ADH7: variants seen among roughly 807,000 people sequenced by gnomAD.
ADH7 encodes the protein alcohol dehydrogenase 7 (class IV), mu or sigma polypeptide.
In ADH7, 41 loss-of-function variants were observed where a neutral mutation model predicts 34.4. That is an observed-to-expected ratio of 1.19 (90% CI 0.93 to 1.55). The LOEUF is 1.55. Among genes scored for constraint, ADH7 ranks in the 40% most tolerant of loss-of-function variants. The probability of loss-of-function intolerance (pLI) is 0.00; values close to 1 mark genes in which losing one functional copy is unlikely to be tolerated. For synonymous variants in ADH7, 180 were observed against 160.9 expected, an observed-to-expected ratio of 1.12 and a Z score of -0.90; for missense variants, 540 against 461.2, an observed-to-expected ratio of 1.17 and a Z score of -1.56.
At chr4:99,418,159 C>T (rs1721562115) in intron 7 of ADH7, among the ~76,000 whole-genome samples, 1 of 152,104 alleles carries the variant, frequency 6.6e-6, no homozygotes, top group African/African-American at 2.4e-5. Context: ...AGAATAAATG[C>T]TAAAAAACTC....
chr4:99,432,336 G>T (rs1395897953), intron 1 of ADH7, among the ~76,000 whole-genome samples: 1 of 151,994 alleles, frequency 6.6e-6, no homozygotes, highest in Non-Finnish European at 1.5e-5. Context: ...TGGAGGGAGG[G>T]TAAGGATGAA....
In ADH7 at chr4:99,414,270, A is replaced by G. The variant is rs4147552; in HGVS notation, c.1101-1098T>C. ...TATGTTCATAATATGATGATCCTGT[A>G]GGCTAGACCAAATGTGGAGACAAGA... is the stretch of plus-strand genomic sequence containing the variant. On this transcript the variant is annotated intron_variant, in intron 8 of 8. Transcript: ENST00000437033. Among the ~76,000 whole-genome samples, 729 of 152,272 alleles carry G rather than the reference A, an allele frequency of 4.8e-3. 14 individuals are homozygous for G. Among genetic ancestry groups the G allele is most frequent in the Admixed American group, 0.029 (444 of 15,278 alleles).
chr4:99,423,625 C>T (rs1283996378), intron 5 of ADH7, among the ~76,000 whole-genome samples: 3 of 152,144 alleles, frequency 2.0e-5, no homozygotes, highest in Non-Finnish European at 4.4e-5. Flanking sequence ...TCTCTGATGG[C>T]CAGTGATGGT....
chr4:99,415,176 T>C (rs997264750), intron 8 of ADH7, among the ~76,000 whole-genome samples: 1 of 151,970 alleles, frequency 6.6e-6, no homozygotes, highest in Non-Finnish European at 1.5e-5. Context: ...GTGAAGAAGG[T>C]GCCTTGCTTC....
At chr4:99,415,940 G>A (rs1721506298) in intron 7 of ADH7, 1 of 181,892 alleles carries the variant, frequency 5.5e-6, no homozygotes, top group Admixed American at 5.6e-5. Context: ...CATGGACACA[G>A]GGAGGGGAAT....
At chr4:99,431,528 C>T (rs1721937074) in intron 1 of ADH7, among the ~76,000 whole-genome samples, 1 of 152,148 alleles carries the variant, frequency 6.6e-6, no homozygotes, top group Non-Finnish European at 1.5e-5. Context: ...ACAGAGTACA[C>T]AGACAACCTA....
At position 99,415,620 on chromosome 4, in the gene ADH7, C is replaced by T. The variant is rs1296341733; in HGVS notation, c.962-4G>A. The T allele has an allele frequency of 3.7e-6, 6 of 1,611,318 alleles. No homozygotes were observed. Among genetic ancestry groups the T allele is most frequent in the Non-Finnish European group, 8.5e-7 (1 of 1,178,754 alleles). On this transcript the variant is annotated splice_polypyrimidine_tract_variant and splice_region_variant and intron_variant, in intron 7 of 8. Transcript: ENST00000437033. ...ACATCATCTCTGCTTTTCAAACCTG[C>T]AAATAAGCACACATTTTCTCTTTAG...
rs1449004343 is a variant in ADH7 at position 99,428,085 on chromosome 4, A to G, written c.347+2T>C. ...ATTAAAGTAAAAATGACTGAAACCT[A>G]CTCGCTCCTAATGCAAAGGTTGCCA... is the stretch of plus-strand genomic sequence containing the variant. On this transcript the variant is annotated splice_donor_variant, in intron 4 of 8. Coordinates refer to ENST00000437033, the MANE Select transcript of ADH7 (RefSeq NM_000673.7). LOFTEE classifies it high-confidence loss of function. 2.5e-6 allele frequency: 4 copies of G among 1,613,644 alleles called. No homozygotes were observed. Among genetic ancestry groups the G allele is most frequent in the Non-Finnish European group, 3.4e-6 (4 of 1,179,818 alleles).
chr4:99,415,422 T>C (rs1458807610), intron 8 of ADH7, 56 bp downstream of exon 8: 112 of 1,555,376 alleles, frequency 7.2e-5, no homozygotes, highest in Non-Finnish European at 2.5e-5. Context: ...TTATAAGTAC[T>C]AAATTTTAAA....
At chr4:99,419,539 A>C (rs1721600341) in intron 6 of ADH7, among the ~76,000 whole-genome samples, 1 of 152,186 alleles carries the variant, frequency 6.6e-6, no homozygotes, top group Non-Finnish European at 1.5e-5. Flanking sequence ...AATGTGGGAC[A>C]AAAGAGTCCC....
chr4:99,417,594 A>G (rs1222192095), intron 7 of ADH7, among the ~76,000 whole-genome samples: 1 of 152,028 alleles, frequency 6.6e-6, no homozygotes, highest in Non-Finnish European at 1.5e-5. Context: ...TATATTCTGC[A>G]TTCATTTATT....
intron 1 of ADH7, among the ~76,000 whole-genome samples, chr4:99,433,179 CCT>C (rs1236502932): frequency 6.6e-6 from 1 of 152,014 alleles, no homozygotes; most frequent in Non-Finnish European, 1.5e-5. Context: ...TTTAGAAAAA[CCT>C]CTCTATATAG....
Position 99,416,933 on chromosome 4 carries a change from T to G in ADH7, c.962-1317A>C, listed in dbSNP as rs114070652. On this transcript the variant is annotated intron_variant, in intron 7 of 8. Coordinates refer to ENST00000437033, the MANE Select transcript of ADH7 (RefSeq NM_000673.7). ...ATGATGATGGTGACATGATTCCTGT[T>G]GCTTAGGCCCAAAAATCTTGGATGC... Among the ~76,000 whole-genome samples, 851 of 152,268 alleles carry G rather than the reference T, an allele frequency of 5.6e-3. 9 individuals carry two copies. Among genetic ancestry groups the G allele is most frequent in the African/African-American group, 0.02 (819 of 41,556 alleles).
chr4:99,413,128 A>T lies in ADH7; in HGVS notation c.*20T>A. ...ACTCCAGTTCACCATGACAACACAG[A>T]CCTCCTGCCACTTTGGATCTCAAAA... On this transcript the variant is annotated 3_prime_UTR_variant, in exon 9 of 9. Coordinates refer to ENST00000437033, the MANE Select transcript of ADH7 (RefSeq NM_000673.7). The T allele has an allele frequency of 6.2e-7, 1 of 1,613,392 alleles. No homozygotes were observed. The highest frequency in any genetic ancestry group is 8.5e-7 in the Non-Finnish European group (1 of 1,179,544).
At position 99,427,891 on chromosome 4, in the gene ADH7, T is replaced by A. The variant is rs1352721496; in HGVS notation, c.446A>T (p.Tyr149Phe). Reference protein sequence around the residue: ...HFMNTSTFTEYTVVDESSVAK... With the variant: ...HFMNTSTFTEFTVVDESSVAK... ...AACAGAAGATTCATCCACCACTGTG[T>A]ACTCGGTAAATGTACTGGTGTTCAT... The change falls in exon 5 of 9, where the codon TAC becomes TTC. Residue 149 changes from tyrosine (Y) to phenylalanine (F), a missense_variant. By Grantham distance (22) the Tyr-to-Phe change is conservative. Transcript: ENST00000437033. 1 of 1,613,882 alleles carries A rather than the reference T, an allele frequency of 6.2e-7. No individual in the cohort carries two copies. The highest frequency in any genetic ancestry group is 8.5e-7 in the Non-Finnish European group (1 of 1,179,940).
At chr4:99,428,320 G>A in intron 3 of ADH7, 146 bp from the exon 4 acceptor site, 4 of 1,237,884 alleles carry the variant, frequency 3.2e-6, no homozygotes, top group Non-Finnish European at 4.5e-6. Context: ...GCCTTCTAAA[G>A]GTTGAGGTTT....
At chr4:99,416,523 C>T (rs1266765123) in intron 7 of ADH7, among the ~76,000 whole-genome samples, 2 of 152,180 alleles carry the variant, frequency 1.3e-5, no homozygotes, top group African/African-American at 4.8e-5. Flanking sequence ...TCGTCATCAT[C>T]ATTGTCACTT....
chr4:99,413,307 G>C lies in ADH7; in HGVS notation c.1101-135C>G, dbSNP rs1327568352. The C allele has an allele frequency of 5.5e-6, 5 of 909,960 alleles. No homozygotes were observed. The African/African-American group carries it at 6.8e-5, about 12-fold the overall frequency. 56.4% of individuals were successfully genotyped at this position (909,960 alleles called of 1,614,324 possible). A position where few individuals can be genotyped will look rare whatever the true frequency, so the allele number is the denominator to read the frequency against. On this transcript the variant is annotated intron_variant, in intron 8 of 8. Coordinates refer to ENST00000437033, the MANE Select transcript of ADH7 (RefSeq NM_000673.7). ...TTATTGGAAATCCTCTGGGCTCAAA[G>C]TCCTTAACAATTAGTTTTCTTTGTT... is the stretch of plus-strand genomic sequence containing the variant.
chr4:99,413,164 G>A lies in ADH7; in HGVS notation c.1109C>T (p.Thr370Met), dbSNP rs747600791. 4.3e-6 allele frequency: 7 copies of A among 1,613,204 alleles called. No individual in the cohort carries two copies. Among genetic ancestry groups the A allele is most frequent in the Admixed American group, 3.3e-5 (2 of 59,938 alleles). Reference protein sequence around the residue: ...ELLNSGQSIRTVLTF With the variant: ...ELLNSGQSIRMVLTF ...CTTTGGATCTCAAAACGTCAGGACC[G>A]TTCGAATGCTGAAATGTAAAATGAG... The change falls in exon 9 of 9, where the codon ACG becomes ATG. Residue 370 changes from threonine (T) to methionine (M), a missense_variant. Physicochemically the swap from Thr to Met is moderately conservative, Grantham distance 81. Transcript: ENST00000437033.
Sources: gnomAD v4.1 joint callset for allele counts (sites outside exome capture counted in the v4.1 genomes callset) on GRCh38, gnomAD v4.1.1 for gene constraint, MANE v1.5 for transcripts, NCBI Gene and HGNC (gene_info 2026-07-23, HGNC 2026-07-21) for gene names.